PTBP1: variants seen among roughly 807,000 people sequenced by gnomAD.
PTBP1 encodes the protein polypyrimidine tract-binding protein 1.
PTBP1 carries 8 observed loss-of-function variants against 59.8 expected under a neutral mutation model. The observed-to-expected ratio is 0.13, with a 90% CI of 0.08 to 0.24. The LOEUF is 0.24. Among genes scored for constraint, PTBP1 ranks in the 10% least tolerant of loss-of-function variants. The pLI, the probability that PTBP1 is intolerant of heterozygous loss-of-function variation, is 1.00. For missense variants in PTBP1, 686 were observed against 767.0 expected, an observed-to-expected ratio of 0.89 and a Z score of 1.25; for synonymous variants, 490 against 320.7, an observed-to-expected ratio of 1.53 and a Z score of -5.64.
At chr19:803,673 G>A (rs776956910) in intron 3 of PTBP1, 37 bp downstream of exon 3, 5 of 1,565,632 alleles carry the variant, frequency 3.2e-6, no homozygotes, top group Non-Finnish European at 4.4e-6. Flanking sequence ...AGACCCGTGG[G>A]TGTCTTTCCC....
In PTBP1 at chr19:807,886, C is replaced by T. The variant is rs992404974; in HGVS notation, c.1137C>T (p.Ser379=). The T allele has an allele frequency of 1.2e-6, 2 of 1,613,432 alleles. No individual in the cohort carries two copies. Among genetic ancestry groups the T allele is most frequent in the Non-Finnish European group, 1.7e-6 (2 of 1,179,492 alleles). ...NLNPERVTPQ[S]LFILFGVYGD... ...CTCTAAAGAGAGTCACACCCCAAAG[C>T]CTCTTTATTCTTTTCGGTATGTTAT... Residue 379 remains serine (S), a synonymous_variant, in exon 11 of 15, where the codon AGC becomes AGT. Transcript: ENST00000356948.
intron 2 of PTBP1, among the ~76,000 whole-genome samples, chr19:803,039 AG>A (rs752526285): frequency 1.3e-5 from 2 of 151,986 alleles, no homozygotes; most frequent in Non-Finnish European, 2.9e-5. Flanking sequence ...AAAACAGGAG[AG>A]GAGGGGCTCC....
At position 811,023 on chromosome 19, in the gene PTBP1, C is replaced by T; in HGVS notation, c.*197C>T. Reference sequence around the variant, plus strand: ...TGCGGTGACAGGGACAGCTCAGGCTCTTGGTGACTGTGGCAGCGGGAGTTC... The same window carrying T: ...TGCGGTGACAGGGACAGCTCAGGCTTTTGGTGACTGTGGCAGCGGGAGTTC... On this transcript the variant is annotated 3_prime_UTR_variant, in exon 15 of 15. Coordinates refer to ENST00000356948, the MANE Select transcript of PTBP1 (RefSeq NM_002819.5). 1 of 552,676 alleles carries T rather than the reference C, an allele frequency of 1.8e-6. No homozygotes were observed. The highest frequency in any genetic ancestry group is 2.9e-6 in the Non-Finnish European group (1 of 340,874). The allele number at this position is 552,676 out of a possible 1,614,324, so 34.2% of individuals were successfully genotyped here. A position where few individuals can be genotyped will look rare whatever the true frequency, so the allele number is the denominator to read the frequency against.
chr19:799,902 T>A (rs1286502779), intron 2 of PTBP1, among the ~76,000 whole-genome samples: 2 of 152,092 alleles, frequency 1.3e-5, no homozygotes, highest in Non-Finnish European at 2.9e-5. Context: ...ACTGGTTGAT[T>A]TTGACGTTAA....
rs116167690 is a variant in PTBP1 at position 808,673 on chromosome 19, C to A, written c.1374C>A (p.Asn458Lys). 1 of 1,612,648 alleles carries A rather than the reference C, an allele frequency of 6.2e-7. No homozygotes were observed. The highest frequency in any genetic ancestry group is 2.2e-5 in the East Asian group (1 of 44,866). ...AGGGCCTGACCAAGGACTACGGCAA[C>A]TCACCCCTGCACCGCTTCAAGAAGC... is the stretch of plus-strand genomic sequence containing the variant. ...EDQGLTKDYGNSPLHRFKKPG... is the reference protein window; with the variant it reads ...EDQGLTKDYGKSPLHRFKKPG... Residue 458 changes from asparagine (N) to lysine (K), a missense_variant, in exon 13 of 15, where the codon AAC becomes AAA. By Grantham distance (94) the Asn-to-Lys change is moderately conservative (BLOSUM62 0). Transcript: ENST00000356948. This position sits in a 1 kb window ranked among gnomAD's most constrained non-coding sequence, Gnocchi z 4.7.
At position 808,208 on chromosome 19, in the gene PTBP1, C is replaced by G. The variant is rs1295394575; in HGVS notation, c.1154-152C>G. On this transcript the variant is annotated intron_variant, in intron 11 of 14. Transcript: ENST00000356948. The surrounding 1 kb of genome is among the most constrained non-coding windows in gnomAD (Gnocchi z 4.7). Reference sequence around the variant, plus strand: ...ACGGAGCTGCTCCTGTTAGCGCGCCCTGTGGCTGCGAGACGCAGCTCCGCA... The same window carrying G: ...ACGGAGCTGCTCCTGTTAGCGCGCCGTGTGGCTGCGAGACGCAGCTCCGCA... 4.8e-5 allele frequency: 33 copies of G among 690,880 alleles called. No homozygotes were observed. The highest frequency in any genetic ancestry group is 3.0e-4 in the South Asian group (17 of 56,662). 42.8% of individuals were successfully genotyped at this position (690,880 alleles called of 1,614,324 possible).
intron 2 of PTBP1, among the ~76,000 whole-genome samples, chr19:802,320 C>T (rs373340646): frequency 3.3e-5 from 5 of 151,976 alleles, no homozygotes; most frequent in African/African-American, 4.8e-5. Context: ...TGGAGCTGAA[C>T]GTGGGTGGAG....
chr19:810,755 A>G lies in PTBP1; in HGVS notation c.1603A>G (p.Ile535Val), dbSNP rs767958955. 1.9e-6 allele frequency: 3 copies of G among 1,606,578 alleles called. No homozygotes were observed. Among genetic ancestry groups the G allele is most frequent in the East Asian group, 2.3e-5 (1 of 44,270 alleles). Residue 535 changes from isoleucine (I) to valine (V), a missense_variant, in exon 15 of 15, where the codon ATT becomes GTT. Physicochemically the swap from Ile to Val is conservative, Grantham distance 29. Transcript: ENST00000356948. The stretch of plus-strand genomic sequence containing the variant: ...CGTGGAGGAGGCGGTCCAGGCCCTC[A>G]TTGACCTGCACAACCACGACCTCGG... ...GSVEEAVQAL[I>V]DLHNHDLGEN...
chr19:797,577 C>T (rs1272272638), intron 1 of PTBP1, 72 bp downstream of exon 1: 20 of 1,120,228 alleles, frequency 1.8e-5, no homozygotes, highest in Non-Finnish European at 2.3e-5. Flanking sequence ...CCGCGCCGGC[C>T]TCCCCGGGGC....
chr19:808,434 G>T lies in PTBP1; in HGVS notation c.1228G>T (p.Gly410Cys). 1 of 1,605,078 alleles carries T rather than the reference G, an allele frequency of 6.2e-7. No individual in the cohort carries two copies. The highest frequency in any genetic ancestry group is 8.5e-7 in the Non-Finnish European group (1 of 1,177,134). ...KENALVQMAD[G>C]NQAQLAMSHL... The stretch of plus-strand genomic sequence containing the variant: ...GAACGCCCTAGTGCAGATGGCGGAC[G>T]GCAACCAGGCCCAGCTGGGTAAGAG... Residue 410 changes from glycine (G) to cysteine (C), a missense_variant, in exon 12 of 15, where the codon GGC becomes TGC. Physicochemically the swap from Gly to Cys is radical, Grantham distance 159 (BLOSUM62 -3). Transcript: ENST00000356948. This position sits in a 1 kb window ranked among gnomAD's most constrained non-coding sequence, Gnocchi z 4.7.
rs773822507 is a variant in PTBP1 at position 810,867 on chromosome 19, C to G, written c.*41C>G. On this transcript the variant is annotated 3_prime_UTR_variant, in exon 15 of 15. Coordinates refer to ENST00000356948, the MANE Select transcript of PTBP1 (RefSeq NM_002819.5). Reference sequence around the variant, plus strand: ...CGGCCGGGCCCCCTGGCGACAACTTCCATCATTCCAGAGAAAAGCCACTTT... The same window carrying G: ...CGGCCGGGCCCCCTGGCGACAACTTGCATCATTCCAGAGAAAAGCCACTTT... 5 of 1,493,494 alleles carry G rather than the reference C, an allele frequency of 3.3e-6. No individual in the cohort carries two copies. Among genetic ancestry groups the G allele is most frequent in the African/African-American group, 1.4e-5 (1 of 69,808 alleles). The allele number at this position is 1,493,494 out of a possible 1,614,324, so 92.5% of individuals were successfully genotyped here.
chr19:799,227 T>G (rs886718708), intron 1 of PTBP1, 186 bp from the exon 2 acceptor site: 1 of 700,858 alleles, frequency 1.4e-6, no homozygotes, highest in African/African-American at 1.8e-5. Context: ...CAAGTTGCAG[T>G]CAAGTGGACG....
intron 2 of PTBP1, among the ~76,000 whole-genome samples, chr19:802,939 A>T (rs1286623511): frequency 6.6e-6 from 1 of 152,230 alleles, no homozygotes; most frequent in Non-Finnish European, 1.5e-5. Flanking sequence ...CACGGCCGCG[A>T]TACCAGCGGA....
intron 2 of PTBP1, among the ~76,000 whole-genome samples, chr19:802,382 GGTGGGGGCTCTTTGGCCAGGT>G (rs1455407990): frequency 6.6e-6 from 1 of 151,938 alleles, no homozygotes; most frequent in African/African-American, 2.4e-5. Context: ...GGCCAGCGTT[GGTGGGGGCTCTTTGGCCAGGT>G]GTGGGGGCAG....
intron 9 of PTBP1, chr19:806,150 G>A: frequency 2.4e-6 from 1 of 413,034 alleles, no homozygotes; most frequent in Non-Finnish European, 4.3e-6. Context: ...GCTTTTCTGT[G>A]CTGTGGGCGG....
rs1470935711 is a variant in PTBP1, at chr19:798,692, C to T, written c.9-721C>T. On this transcript the variant is annotated intron_variant, in intron 1 of 14. Transcript: ENST00000356948. ...ACGCTCCGAGTCACTTAGGGCCTCG[C>T]CGGGAGTTGCAGTGGCCGGGAGAAG... The T allele has an allele frequency of 2.0e-5, 3 of 152,394 alleles. No homozygotes were observed. The East Asian group carries it at 5.8e-4, about 29-fold the overall frequency. The allele number at this position is 152,394 out of a possible 1,614,324, so 9.4% of individuals were successfully genotyped here. A position where few individuals can be genotyped will look rare whatever the true frequency, so the allele number is the denominator to read the frequency against.
At chr19:802,634 G>A (rs1249970560) in intron 2 of PTBP1, among the ~76,000 whole-genome samples, 1 of 152,236 alleles carries the variant, frequency 6.6e-6, no homozygotes, top group African/African-American at 2.4e-5. Flanking sequence ...CGCCTGCAGA[G>A]GCTCGCTTTG....
At chr19:806,689 GC>G in intron 10 of PTBP1, 133 bp downstream of exon 10, 1 of 789,052 alleles carries the variant, frequency 1.3e-6, no homozygotes, top group Non-Finnish European at 1.9e-6. Flanking sequence ...CCCCTCTGCT[GC>G]AGCGCTGAGA....
rs187304742 is a variant in PTBP1, at chr19:805,786, C to T, written c.970+217C>T. The T allele has an allele frequency of 4.4e-3, 2,554 of 576,682 alleles. 81 individuals carry two copies. In the Admixed American group the frequency reaches 0.061, roughly 14 times the overall value. 35.7% of individuals were successfully genotyped at this position (576,682 alleles called of 1,614,324 possible). ...AGGCCCACGTGTGGACGGCGCCAGCCAGAAGCCGCTAATCGCACAGTCTTT... is the reference window on the plus strand; with the variant it reads ...AGGCCCACGTGTGGACGGCGCCAGCTAGAAGCCGCTAATCGCACAGTCTTT... On this transcript the variant is annotated intron_variant, in intron 9 of 14. Transcript: ENST00000356948.
Sources: allele counts gnomAD v4.1 joint callset (sites outside exome capture counted in the v4.1 genomes callset), GRCh38; gene constraint gnomAD v4.1.1; non-coding constraint Gnocchi (gnomAD v3.1); transcripts MANE v1.5; gene names NCBI Gene and HGNC (gene_info 2026-07-23, HGNC 2026-07-21).